DYNC2LI1: variants seen among roughly 807,000 people sequenced by gnomAD.
The protein encoded by DYNC2LI1 is dynein cytoplasmic 2 light intermediate chain 1, also known as cytoplasmic dynein 2 light intermediate chain 1.
In DYNC2LI1, 45 loss-of-function variants were observed where a neutral mutation model predicts 51.9. The ratio of observed to expected loss-of-function variants is 0.87; its 90% CI spans 0.68 to 1.11. The LOEUF (loss-of-function observed/expected upper bound fraction) is 1.11. Among genes scored for constraint, DYNC2LI1 ranks in the 50% most tolerant of loss-of-function variants. The pLI is 0.00. For missense variants in DYNC2LI1, 490 were observed against 417.4 expected, an observed-to-expected ratio of 1.17 and a Z score of -1.51; for synonymous variants, 130 against 137.8, an observed-to-expected ratio of 0.94 and a Z score of 0.40.
At chr2:43,782,057 G>GT (rs771473780) in intron 2 of DYNC2LI1, among the ~76,000 whole-genome samples, 6 of 141,030 alleles carry the variant, frequency 4.3e-5, no homozygotes, top group Non-Finnish European at 7.6e-5. Context: ...AGCAGGAAAA[G>GT]TATTTTTTAA....
At chr2:43,807,850 T>G (rs1666326426) in intron 12 of DYNC2LI1, among the ~76,000 whole-genome samples, 1 of 151,930 alleles carries the variant, frequency 6.6e-6, no homozygotes, top group Non-Finnish European at 1.5e-5. Context: ...TTGCTATCCC[T>G]TTAAAACATC....
chr2:43,822,485 C>A, the DYNC2LI1 span: 21 of 925,966 alleles, frequency 2.3e-5, 1 homozygote, highest in Middle Eastern at 5.6e-4. Flanking sequence ...CAGGCCCCCC[C>A]CCATGCACCT....
chr2:43,826,606 A>G, the DYNC2LI1 span: 2 of 1,593,086 alleles, frequency 1.3e-6, no homozygotes, highest in East Asian at 2.2e-5. Context: ...ACTGTTCCTT[A>G]TTGAGTTTGT....
At chr2:43,809,521 A>G (rs1016498168) in intron 12 of DYNC2LI1, among the ~76,000 whole-genome samples, 184 bp from the exon 13 acceptor site, 1 of 152,244 alleles carries the variant, frequency 6.6e-6, no homozygotes, top group Non-Finnish European at 1.5e-5. Flanking sequence ...AACTCTGAAG[A>G]CAGTATTTCT....
intron 6 of DYNC2LI1, 127 bp downstream of exon 6, chr2:43,794,770 C>G (rs1431926993): frequency 1.3e-6 from 2 of 1,536,072 alleles, no homozygotes; most frequent in African/African-American, 2.8e-5. Context: ...TGAACCTGTT[C>G]ACTGGAAAAT....
At chr2:43,795,155 A>G (rs893926897) in intron 6 of DYNC2LI1, 3 of 990,850 alleles carry the variant, frequency 3.0e-6, no homozygotes, top group African/African-American at 3.5e-5. Flanking sequence ...TTCAAATACA[A>G]TAATAAATAT....
At chr2:43,782,520 C>G (rs1200991210) in intron 2 of DYNC2LI1, among the ~76,000 whole-genome samples, 1 of 136,218 alleles carries the variant, frequency 7.3e-6, no homozygotes, top group African/African-American at 2.8e-5. Context: ...TCTCTTTTAT[C>G]TGTTTCCTTG....
intron 12 of DYNC2LI1, among the ~76,000 whole-genome samples, chr2:43,807,231 C>T (rs1412006031): frequency 6.6e-6 from 1 of 152,100 alleles, no homozygotes; most frequent in African/African-American, 2.4e-5. Flanking sequence ...AGGAAGACCC[C>T]TTTCATCTTT....
At chr2:43,803,937 G>A (rs192796314) in intron 10 of DYNC2LI1, among the ~76,000 whole-genome samples, 3 of 152,076 alleles carry the variant, frequency 2.0e-5, no homozygotes, top group Admixed American at 2.0e-4. Context: ...CTTGTAAAAA[G>A]GTAAAAGAGT....
chr2:43,827,764 C>T, the DYNC2LI1 span, among the ~76,000 whole-genome samples: 13 of 152,266 alleles, frequency 8.5e-5, no homozygotes, highest in Middle Eastern at 3.4e-3. Flanking sequence ...GCAACGCTTC[C>T]GGGTCCAGGA....
chr2:43,791,889 C>T (rs2104690471), intron 5 of DYNC2LI1, among the ~76,000 whole-genome samples: 1 of 152,128 alleles, frequency 6.6e-6, no homozygotes, highest in East Asian at 1.9e-4. Flanking sequence ...TTTTGGCTAT[C>T]ATTTGCTATG....
downstream of DYNC2LI1, among the ~76,000 whole-genome samples, chr2:43,813,708 C>CTTTTTTTTTTTT (rs1558715512): frequency 2.8e-5 from 1 of 35,374 alleles, no homozygotes; most frequent in Non-Finnish European, 5.7e-5. Flanking sequence ...TTTTTTTTTT[C>CTTTTTTTTTTTT]GTTTTTTTTT....
intron 12 of DYNC2LI1, among the ~76,000 whole-genome samples, chr2:43,807,947 C>T (rs1473511708): frequency 6.6e-6 from 1 of 151,964 alleles, no homozygotes; most frequent in Non-Finnish European, 1.5e-5. Flanking sequence ...ATTCCTTTTT[C>T]TCCCTCTGGC....
At chr2:43,812,126 C>G (rs1666508696), downstream of DYNC2LI1, among the ~76,000 whole-genome samples, 1 of 152,072 alleles carries the variant, frequency 6.6e-6, no homozygotes, top group African/African-American at 2.4e-5. Flanking sequence ...TCATAGCTCA[C>G]TGCAGCCCCT....
At chr2:43,793,221 C>T (rs1673870576) in intron 5 of DYNC2LI1, 1 of 152,760 alleles carries the variant, frequency 6.5e-6, no homozygotes, top group Non-Finnish European at 1.5e-5. Flanking sequence ...CACCTGTAAT[C>T]CCAACACTTT....
At chr2:43,812,959 G>C (rs1393454795), downstream of DYNC2LI1, 2 of 653,134 alleles carry the variant, frequency 3.1e-6, no homozygotes, top group African/African-American at 1.8e-5. Context: ...TGCATTCAAG[G>C]CCTGCTTGGA....
At chr2:43,823,022 C>G in the DYNC2LI1 span, 1 of 1,562,328 alleles carries the variant, frequency 6.4e-7, no homozygotes, top group Non-Finnish European at 8.7e-7. Context: ...TGAGGTCTGT[C>G]AGGGCTGGAT....
rs753456602 is a variant in DYNC2LI1 at position 43,794,449 on chromosome 2, T to A, written c.321-8T>A. The A allele has an allele frequency of 1.3e-6, 2 of 1,589,320 alleles. No individual in the cohort carries two copies. Among genetic ancestry groups the A allele is most frequent in the Non-Finnish European group, 1.7e-6 (2 of 1,169,204 alleles). ...AGTCTTTTTTGAAAAGTGTTTTTAT[T>A]TCTTTAGGACGTTTTCTCTTGTTCT... On this transcript the variant is annotated splice_polypyrimidine_tract_variant and splice_region_variant and intron_variant, in intron 5 of 12. Coordinates refer to ENST00000260605, the MANE Select transcript of DYNC2LI1 (RefSeq NM_016008.4).
At chr2:43,821,134 C>T in the DYNC2LI1 span, among the ~76,000 whole-genome samples, 1 of 152,314 alleles carries the variant, frequency 6.6e-6, no homozygotes. Flanking sequence ...CTCGCCCCTC[C>T]TTACCACTTA....
Sources: allele counts gnomAD v4.1 joint callset (sites outside exome capture counted in the v4.1 genomes callset), GRCh38; gene constraint gnomAD v4.1.1; transcripts MANE v1.5; gene names NCBI Gene and HGNC (gene_info 2026-07-23, HGNC 2026-07-21).